ADNP2: variants seen among roughly 807,000 people sequenced by gnomAD.
ADNP2 encodes the protein ADNP homeobox 2.
Under a neutral mutation model 16.4 loss-of-function variants are expected in ADNP2, and 8 were observed. That is an observed-to-expected ratio of 0.49 (90% CI 0.29 to 0.88). The LOEUF (loss-of-function observed/expected upper bound fraction) is 0.88. Ranked by LOEUF, ADNP2 falls within the 40% of genes least tolerant of loss-of-function variation. The pLI, the probability that ADNP2 is intolerant of heterozygous loss-of-function variation, is 0.09. For missense variants in ADNP2, 1,397 were observed against 1,395.1 expected, an observed-to-expected ratio of 1.00 and a Z score of -0.02; for synonymous variants, 637 against 545.8, an observed-to-expected ratio of 1.17 and a Z score of -2.33.
chr18:80,120,158 G>A (rs751899081), intron 2 of ADNP2, among the ~76,000 whole-genome samples: 1 of 152,130 alleles, frequency 6.6e-6, no homozygotes, highest in South Asian at 2.1e-4. Flanking sequence ...CGAGCCCTTG[G>A]CATATGCTCC....
At chr18:80,117,692 T>A (rs1599805965) in intron 2 of ADNP2, 42 bp downstream of exon 2, 1 of 1,486,248 alleles carries the variant, frequency 6.7e-7, no homozygotes, top group Non-Finnish European at 9.2e-7. Context: ...GGAGGTGAGA[T>A]TTGAACTCGG....
Position 80,136,396 on chromosome 18 carries a change from A to C in ADNP2, c.983A>C (p.Gln328Pro), listed in dbSNP as rs756975508. 6.2e-7 allele frequency: 1 copy of C among 1,614,010 alleles called. No homozygotes were observed. The highest frequency in any genetic ancestry group is 8.5e-7 in the Non-Finnish European group (1 of 1,180,024). ...SLTHSPPAAG[Q>P]SHMTLVSSPL... The stretch of plus-strand genomic sequence containing the variant: ...ACTCATTCCCCCCCTGCTGCTGGCC[A>C]ATCCCACATGACTCTGGTCTCCAGC... The change falls in exon 4 of 4, where the codon CAA (glutamine) becomes CCA (proline). Residue 328 changes from glutamine (Q) to proline (P), a missense_variant. Physicochemically the swap from Gln to Pro is moderately conservative, Grantham distance 76 (BLOSUM62 -1). Coordinates refer to ENST00000262198, the MANE Select transcript of ADNP2 (RefSeq NM_014913.4).
chr18:80,110,231 T>C (rs544768562), intron 1 of ADNP2, among the ~76,000 whole-genome samples: 1 of 152,392 alleles, frequency 6.6e-6, no homozygotes, highest in South Asian at 2.1e-4. Flanking sequence ...AAATTTCTAC[T>C]ACAGTTGACT....
At chr18:80,115,838 C>T (rs538198168) in intron 1 of ADNP2, among the ~76,000 whole-genome samples, 7 of 152,154 alleles carry the variant, frequency 4.6e-5, no homozygotes, top group Admixed American at 2.0e-4. Flanking sequence ...TGCAGTGGCG[C>T]GACCTCGGCT....
intron 1 of ADNP2, among the ~76,000 whole-genome samples, chr18:80,116,094 T>A (rs771344207): frequency 6.6e-6 from 1 of 152,230 alleles, no homozygotes; most frequent in Admixed American, 6.5e-5. Flanking sequence ...GATTTGCCTG[T>A]TCTGGACACT....
At chr18:80,114,072 A>T (rs1366600849) in intron 1 of ADNP2, among the ~76,000 whole-genome samples, 1 of 151,882 alleles carries the variant, frequency 6.6e-6, no homozygotes, top group Non-Finnish European at 1.5e-5. Flanking sequence ...ATACATCGGT[A>T]GTCCAAGCTA....
intron 3 of ADNP2, among the ~76,000 whole-genome samples, chr18:80,133,979 C>T (rs2052515054): frequency 6.6e-6 from 1 of 152,042 alleles, no homozygotes; most frequent in Admixed American, 6.6e-5. Flanking sequence ...ACTACAGGTG[C>T]ATGCCACCAT....
At chr18:80,129,502 C>CCAGACCAGCCTCTTGTCCTG (rs2052482655) in intron 2 of ADNP2, among the ~76,000 whole-genome samples, 1 of 152,154 alleles carries the variant, frequency 6.6e-6, no homozygotes, top group Non-Finnish European at 1.5e-5. Flanking sequence ...TGACTGTTGG[C>CCAGACCAGCCTCTTGTCCTG]CAGACCAGCC....
At position 80,136,977 on chromosome 18, in the gene ADNP2, C is replaced by T. The variant is rs1006533807; in HGVS notation, c.1564C>T (p.Pro522Ser). Reference protein sequence around the residue: ...GQVVPSGLLSPNQTVSSSAVV... With the variant: ...GQVVPSGLLSSNQTVSSSAVV... ...GGTGGTCCCGTCTGGGCTTCTTTCT[C>T]CCAACCAGACAGTCTCCTCCTCAGC... The change falls in exon 4 of 4, where the codon CCC (proline) becomes TCC (serine). Residue 522 changes from proline to serine, a missense_variant. By Grantham distance (74) the Pro-to-Ser change is moderately conservative. Transcript: ENST00000262198. 1 of 1,613,926 alleles carries T rather than the reference C, an allele frequency of 6.2e-7. No homozygotes were observed. Among genetic ancestry groups the T allele is most frequent in the South Asian group, 1.1e-5 (1 of 91,066 alleles).
rs371223824 is a variant in ADNP2, at chr18:80,137,397, C to T, written c.1984C>T (p.Pro662Ser). The T allele has an allele frequency of 9.3e-6, 15 of 1,614,106 alleles. No homozygotes were observed. The East Asian group carries it at 2.7e-4, about 29-fold the overall frequency. Residue 662 changes from proline to serine, a missense_variant, in exon 4 of 4, where the codon CCT becomes TCT. Around this residue, in one of 3 missense-constraint regions of ADNP2, gnomAD observed 611 missense variants for 648.7 expected, o/e 0.94. Transcript: ENST00000262198. This position sits in a 1 kb window ranked among gnomAD's most constrained non-coding sequence, Gnocchi z 4.2. Reference protein sequence around the residue: ...MAGSMPGMPSPPVLVNAAQSV... With the variant: ...MAGSMPGMPSSPVLVNAAQSV... ...CGGTTCCATGCCCGGCATGCCCTCTCCTCCAGTGCTGGTGAATGCTGCTCA... is the reference window on the plus strand; with the variant it reads ...CGGTTCCATGCCCGGCATGCCCTCTTCTCCAGTGCTGGTGAATGCTGCTCA...
rs1445853708 is a variant in ADNP2 at position 80,138,490 on chromosome 18, C to T, written c.3077C>T (p.Thr1026Ile). ...AAAAGACAAAGGAATGAAAGCAGAA[C>T]AGAGGGACCTATTGTCAAGGACGAG... ...PFKRQRNESR[T>I]EGPIVKDEAL... Residue 1026 changes from threonine (T) to isoleucine (I), a missense_variant, in exon 4 of 4, where the codon ACA becomes ATA. Thr to Ile is a moderately conservative substitution (Grantham distance 89). Transcript: ENST00000262198. 1.9e-6 allele frequency: 3 copies of T among 1,614,144 alleles called. No homozygotes were observed. The highest frequency in any genetic ancestry group is 1.1e-5 in the South Asian group (1 of 91,072).
intron 2 of ADNP2, among the ~76,000 whole-genome samples, chr18:80,132,645 TCTCTCTCA>T (rs1417813208): frequency 3.4e-5 from 5 of 145,130 alleles, no homozygotes; most frequent in Non-Finnish European, 6.0e-5. Flanking sequence ...TCTTTTTTTC[TCTCTCTCA>T]CTCTCTCCTC....
At chr18:80,117,453 A>T in intron 1 of ADNP2, 77 bp from the exon 2 acceptor site, 1 of 849,410 alleles carries the variant, frequency 1.2e-6, no homozygotes, top group Non-Finnish European at 1.7e-6. Context: ...CTAGTGTTTT[A>T]CCAACCCTGT....
At position 80,136,961 on chromosome 18, in the gene ADNP2, G is replaced by T. The variant is rs3744877; in HGVS notation, c.1548G>T (p.Pro516=). 3.7e-6 allele frequency: 6 copies of T among 1,613,828 alleles called. No individual in the cohort carries two copies. Among genetic ancestry groups the T allele is most frequent in the Non-Finnish European group, 5.1e-6 (6 of 1,179,970 alleles). The change falls in exon 4 of 4, where the codon CCG becomes CCT. Residue 516 remains proline, a synonymous_variant. Transcript: ENST00000262198. ...TTATCTCTGCAGGCCAGGTGGTCCC[G>T]TCTGGGCTTCTTTCTCCCAACCAGA... ...LRVISAGQVV[P]SGLLSPNQTV...
At chr18:80,118,877 C>G (rs967501651) in intron 2 of ADNP2, among the ~76,000 whole-genome samples, 20 of 152,130 alleles carry the variant, frequency 1.3e-4, no homozygotes, top group African/African-American at 4.1e-4. Flanking sequence ...ATTAGATTAA[C>G]TGTTGAATTA....
At position 80,138,738 on chromosome 18, in the gene ADNP2, G is replaced by A. The variant is rs2052561224; in HGVS notation, c.3325G>A (p.Val1109Ile). 6.2e-7 allele frequency: 1 copy of A among 1,604,566 alleles called. No individual in the cohort carries two copies. The highest frequency in any genetic ancestry group is 2.2e-5 in the East Asian group (1 of 44,768). ...MKAIKNHKPS[V>I]LLGFDMSELK... ...AGCAATAAAAAATCACAAGCCTTCT[G>A]TACTTTTAGGCTTTGATATGTCTGA... The change falls in exon 4 of 4, where the codon GTA becomes ATA. Residue 1109 changes from valine to isoleucine, a missense_variant. This residue lies in a region of ADNP2 where 611 missense variants were observed against 648.7 expected (regional missense o/e 0.94). Coordinates refer to ENST00000262198, the MANE Select transcript of ADNP2 (RefSeq NM_014913.4).
In ADNP2 at chr18:80,139,580, A is replaced by T. The variant is rs921549162; in HGVS notation, c.*771A>T. Reference sequence around the variant, plus strand: ...GTAGATTTTCCCTTTTGATATGCTAAGTCATTTCTCCGTTCAGAGGTAAAA... The same window carrying T: ...GTAGATTTTCCCTTTTGATATGCTATGTCATTTCTCCGTTCAGAGGTAAAA... On this transcript the variant is annotated 3_prime_UTR_variant, in exon 4 of 4. Coordinates refer to ENST00000262198, the MANE Select transcript of ADNP2 (RefSeq NM_014913.4). 2 of 150,698 alleles carry T rather than the reference A, an allele frequency of 1.3e-5. No individual in the cohort carries two copies. The highest frequency in any genetic ancestry group is 4.9e-5 in the African/African-American group (2 of 40,710). The allele number at this position is 150,698 out of a possible 1,614,324, so 9.3% of individuals were successfully genotyped here.
intron 3 of ADNP2, among the ~76,000 whole-genome samples, chr18:80,134,089 G>C (rs1459066162): frequency 6.6e-6 from 1 of 152,138 alleles, no homozygotes; most frequent in Non-Finnish European, 1.5e-5. Context: ...TGAGTTGCAA[G>C]TTTCCTTGAA....
chr18:80,123,083 T>TC (rs916886591), intron 2 of ADNP2, among the ~76,000 whole-genome samples: 2 of 152,136 alleles, frequency 1.3e-5, no homozygotes, highest in African/African-American at 4.8e-5. Context: ...GTGATTTTTT[T>TC]CCCCCGTGCT....
Sources: gnomAD v4.1 joint callset for allele counts (sites outside exome capture counted in the v4.1 genomes callset) on GRCh38, gnomAD v4.1.1 for gene constraint, gnomAD v4.1.1 regional missense constraint, Gnocchi (gnomAD v3.1) non-coding constraint, MANE v1.5 for transcripts, NCBI Gene and HGNC (gene_info 2026-07-23, HGNC 2026-07-21) for gene names.